The following ANKRD45 variants were observed in gnomAD, a reference collection of about 807,000 sequenced individuals.
ANKRD45 encodes ankyrin repeat domain 45, also known as ankyrin repeat domain-containing protein 45.
A neutral mutation model predicts 28.1 loss-of-function variants in ANKRD45; 21 were observed. The observed-to-expected ratio is 0.75, with a 90% confidence interval of 0.53 to 1.08. The LOEUF (loss-of-function observed/expected upper bound fraction) is 1.08, where lower values mean the gene tolerates loss of function less well. Among genes scored for constraint, ANKRD45 ranks in the 50% least tolerant of loss-of-function variants. The pLI is 0.00. For synonymous variants in ANKRD45, 86 were observed against 103.9 expected (o/e 0.83, Z 1.05); for missense variants, 261 against 308.7 (o/e 0.85, Z 1.16).
the ANKRD45 span, among the ~76,000 whole-genome samples, chr1:173,714,004 T>C: frequency 6.6e-6 from 1 of 152,234 alleles, no homozygotes; most frequent in East Asian, 1.9e-4. Context: ...TATCTGGATC[T>C]AAAGGCCATG....
Position 173,646,908 on chromosome 1 carries a change from C to T in ANKRD45, c.434G>A (p.Arg145Lys), listed in dbSNP as rs779907966. 2.5e-5 allele frequency: 41 copies of T among 1,614,026 alleles called. No homozygotes were observed. Among genetic ancestry groups the T allele is most frequent in the Non-Finnish European group, 3.4e-5 (40 of 1,180,018 alleles). The change falls in exon 3 of 6, where the codon AGG becomes AAG. Residue 145 changes from arginine (R) to lysine (K), a missense_variant. Arg to Lys is a conservative substitution (Grantham distance 26). Transcript: ENST00000333279. ...ATATCTAGCAGCAACATCTCGAGCC[C>T]TTTCTTCCCGGAAGTTCAAAGCTTC... is the stretch of plus-strand genomic sequence containing the variant. The part of the protein sequence containing the change: ...DIEALNFREE[R>K]ARDVAARYSQ...
At chr1:173,692,710 C>T in the ANKRD45 span, among the ~76,000 whole-genome samples, 4 of 152,188 alleles carry the variant, frequency 2.6e-5, no homozygotes, top group African/African-American at 9.7e-5. Context: ...AAAATCATTA[C>T]CACTATATCT....
the ANKRD45 span, among the ~76,000 whole-genome samples, chr1:173,678,031 A>C: frequency 2.0e-5 from 3 of 152,188 alleles, no homozygotes; most frequent in African/African-American, 7.2e-5. Context: ...ACATGAGTTG[A>C]AAGAGAGCTT....
chr1:173,712,481 G>T, the ANKRD45 span, among the ~76,000 whole-genome samples: 1 of 152,210 alleles, frequency 6.6e-6, no homozygotes, highest in East Asian at 1.9e-4. Flanking sequence ...GAGTATTGAT[G>T]AGTTACTATA....
chr1:173,622,928 A>G (rs2102322663), intron 5 of ANKRD45, among the ~76,000 whole-genome samples: 1 of 152,348 alleles, frequency 6.6e-6, no homozygotes, highest in Non-Finnish European at 1.5e-5. Flanking sequence ...TCCAGAGTCT[A>G]CAAGGAACTT....
At chr1:173,628,939 A>G (rs1668066966) in intron 3 of ANKRD45, among the ~76,000 whole-genome samples, 1 of 152,194 alleles carries the variant, frequency 6.6e-6, no homozygotes, top group Non-Finnish European at 1.5e-5. Flanking sequence ...GCACAGAGAG[A>G]GAGACTCTGT....
At chr1:173,667,679 C>G (rs966617895) in intron 1 of ANKRD45, 1 of 418,070 alleles carries the variant, frequency 2.4e-6, no homozygotes, top group Non-Finnish European at 4.7e-6. Context: ...GCACTCCAGC[C>G]TGGCACAACA....
chr1:173,694,806 C>T, the ANKRD45 span, among the ~76,000 whole-genome samples: 1 of 151,988 alleles, frequency 6.6e-6, no homozygotes, highest in African/African-American at 2.4e-5. Context: ...CAAGTGCGAA[C>T]CTGCAGTATT....
the ANKRD45 span, among the ~76,000 whole-genome samples, chr1:173,688,306 TTC>T: frequency 4.9e-4 from 74 of 151,776 alleles, 1 homozygote; most frequent in East Asian, 0.011. Context: ...CTCTCTGACT[TTC>T]TGTCTCTCTT....
chr1:173,702,623 G>A, the ANKRD45 span, among the ~76,000 whole-genome samples: 1 of 151,922 alleles, frequency 6.6e-6, no homozygotes, highest in Admixed American at 6.6e-5. Context: ...GAAGGTAGGG[G>A]GTAAGTGCCA....
At chr1:173,706,588 C>T in the ANKRD45 span, among the ~76,000 whole-genome samples, 15 of 152,022 alleles carry the variant, frequency 9.9e-5, no homozygotes, top group Admixed American at 7.9e-4. Context: ...ATCTGCCCAC[C>T]TCGGCCTCCC....
chr1:173,646,991 A>C lies in ANKRD45; in HGVS notation c.351T>G (p.Ala117=), dbSNP rs1417380873. The change falls in exon 3 of 6, where the codon GCT becomes GCG. Residue 117 remains alanine, a synonymous_variant. Coordinates refer to ENST00000333279, the MANE Select transcript of ANKRD45 (RefSeq NM_198493.3). ...AAGTTTCCAAACGACCCCAGGCTGC[A>C]GCACAATGTAAGAGTGTGTACCCTA... ...TTRGYTLLHC[A]AAWGRLETLK... 6.2e-7 allele frequency: 1 copy of C among 1,614,034 alleles called. No homozygotes were observed. Among genetic ancestry groups the C allele is most frequent in the Non-Finnish European group, 8.5e-7 (1 of 1,179,988 alleles).
intron 3 of ANKRD45, among the ~76,000 whole-genome samples, chr1:173,633,063 T>C (rs1454644409): frequency 1.3e-5 from 2 of 152,062 alleles, no homozygotes; most frequent in Non-Finnish European, 2.9e-5. Context: ...TTATCCTTGA[T>C]TCCGGCTGAT....
At chr1:173,615,172 G>T (rs1019518096) in intron 5 of ANKRD45, among the ~76,000 whole-genome samples, 1 of 151,580 alleles carries the variant, frequency 6.6e-6, no homozygotes, top group Non-Finnish European at 1.5e-5. Context: ...GGCTCACAAG[G>T]TCAGGAGATT....
rs375318911 is a variant in ANKRD45 at position 173,608,996 on chromosome 1, GAGA to G, written c.*1146_*1148del. ...GGAAGGGAAGGGAAAAGGGAGAAGG[GAGA>G]AGGAGGGTAAAAAAAAAAAAGGAGC... On this transcript the variant is annotated 3_prime_UTR_variant, in exon 6 of 6. Transcript: ENST00000333279. 1.5e-3 allele frequency among the ~76,000 whole-genome samples: 224 copies of G among 149,276 alleles called. No individual in the cohort carries two copies. Among genetic ancestry groups the G allele is most frequent in the African/African-American group, 5.3e-3 (213 of 40,390 alleles).
intron 2 of ANKRD45, among the ~76,000 whole-genome samples, chr1:173,648,096 C>T (rs1337370924): frequency 2.0e-5 from 3 of 152,206 alleles, no homozygotes; most frequent in African/African-American, 4.8e-5. Context: ...TGCAGCACCA[C>T]GCCCAGCTTA....
At chr1:173,649,560 T>A (rs918638141) in intron 2 of ANKRD45, among the ~76,000 whole-genome samples, 2 of 152,170 alleles carry the variant, frequency 1.3e-5, no homozygotes, top group Non-Finnish European at 2.9e-5. Flanking sequence ...AGCCTGTTGA[T>A]TAGTAGGCTG....
chr1:173,679,007 C>T, the ANKRD45 span, among the ~76,000 whole-genome samples: 2 of 152,254 alleles, frequency 1.3e-5, no homozygotes, highest in African/African-American at 4.8e-5. Context: ...TGAAGGACCT[C>T]TTCAAGGAGA....
chr1:173,693,081 C>T, the ANKRD45 span, among the ~76,000 whole-genome samples: 1 of 152,148 alleles, frequency 6.6e-6, no homozygotes, highest in Non-Finnish European at 1.5e-5. Flanking sequence ...GGTGGATCAA[C>T]AGAGGTCAGG....
Sources: gnomAD v4.1 joint callset for allele counts (sites outside exome capture counted in the v4.1 genomes callset) on GRCh38, gnomAD v4.1.1 for gene constraint, MANE v1.5 for transcripts, NCBI Gene and HGNC (gene_info 2026-07-23, HGNC 2026-07-21) for gene names.